CEP152: variants seen among roughly 807,000 people sequenced by gnomAD.
CEP152 encodes the protein centrosomal protein of 152 kDa.
In CEP152, 132 loss-of-function variants were observed where a neutral mutation model predicts 188.9. The observed-to-expected ratio is 0.70, with a 90% CI of 0.61 to 0.81. The LOEUF is 0.81. Among genes scored for constraint, CEP152 ranks in the 30% least tolerant of loss-of-function variants. CEP152 has a pLI of 0.00. For synonymous variants in CEP152, 649 were observed against 666.6 expected (o/e 0.97, Z 0.41); for missense variants, 1,914 against 1,969.8 (o/e 0.97, Z 0.54).
rs563954737 is a variant in CEP152, at chr15:48,744,811, C to CA, written c.3731+84dup. On this transcript the variant is annotated intron_variant, in intron 23 of 26. Transcript: ENST00000380950. ...CTTTTTTATACTTTTTGCTGTATAA[C>CA]AAAAAAAATTGATACTTAAAAAAAT... is the stretch of plus-strand genomic sequence containing the variant. The CA allele has an allele frequency of 1.2e-3, 1,484 of 1,278,958 alleles. 15 individuals are homozygous for CA. The African/African-American group carries it at 0.019, about 17-fold the overall frequency. 79.2% of individuals were successfully genotyped at this position (1,278,958 alleles called of 1,614,324 possible).
At chr15:48,754,021 C>G (rs1222232261) in intron 20 of CEP152, among the ~76,000 whole-genome samples, 3 of 152,034 alleles carry the variant, frequency 2.0e-5, no homozygotes. Context: ...TTTACAGCAC[C>G]TATGTAACAA....
rs1896842918 is a variant in CEP152 at position 48,788,966 on chromosome 15, C to T, written c.1008G>A (p.Leu336=). The T allele has an allele frequency of 1.2e-6, 2 of 1,614,064 alleles. No homozygotes were observed. Among genetic ancestry groups the T allele is most frequent in the Admixed American group, 1.7e-5 (1 of 59,996 alleles). The stretch of plus-strand genomic sequence containing the variant: ...CCACCAGCTGCTGCTTCAAGCTTTC[C>T]AGAGCCATTTCAGTTGTTCTGGACT... ...IKKSRTTEMA[L]ESLKQQLVDL... is the part of the protein sequence containing the mutation. The change falls in exon 9 of 27, where the codon CTG becomes CTA. Residue 336 remains leucine (L), a synonymous_variant. Transcript: ENST00000380950.
chr15:48,747,900 G>C (rs570276577), intron 22 of CEP152, among the ~76,000 whole-genome samples: 3 of 152,188 alleles, frequency 2.0e-5, no homozygotes, highest in Admixed American at 1.3e-4. Flanking sequence ...AGACCCTCAC[G>C]CCCTTGTTTA....
chr15:48,734,200 TATATAC>T (rs1351522732), downstream of CEP152, among the ~76,000 whole-genome samples: 2 of 149,946 alleles, frequency 1.3e-5, no homozygotes, highest in South Asian at 2.1e-4. Flanking sequence ...AATATATACA[TATATAC>T]ATATACATAT....
At chr15:48,764,957 AG>A (rs951092755) in intron 17 of CEP152, among the ~76,000 whole-genome samples, 12 of 151,984 alleles carry the variant, frequency 7.9e-5, no homozygotes, top group African/African-American at 2.9e-4. Context: ...TCTAGAGTTT[AG>A]TAACATTCTC....
At chr15:48,788,423 T>G (rs139894969) in intron 9 of CEP152, among the ~76,000 whole-genome samples, 1,707 of 140,566 alleles carry the variant, frequency 0.012, 40 homozygotes, top group African/African-American at 0.043. Flanking sequence ...AACCTCTGCC[T>G]CCCGGGTTCA....
chr15:48,801,896 C>A (rs529464766), intron 2 of CEP152, among the ~76,000 whole-genome samples: 15 of 152,242 alleles, frequency 9.9e-5, no homozygotes, highest in African/African-American at 3.1e-4. Context: ...GAGTTCAAGA[C>A]CAGCCTGGCC....
At chr15:48,769,149 C>T (rs1397732624) in intron 13 of CEP152, 68 bp from the exon 14 acceptor site, 2 of 1,331,426 alleles carry the variant, frequency 1.5e-6, no homozygotes, top group South Asian at 2.6e-5. Context: ...GAAATACTTC[C>T]ATACTTTAAA....
chr15:48,805,994 A>C (rs1897963196), intron 1 of CEP152, among the ~76,000 whole-genome samples: 1 of 152,230 alleles, frequency 6.6e-6, no homozygotes. Context: ...AAAAATCTTA[A>C]GCTCAAACAA....
chr15:48,741,046 T>G lies in CEP152; in HGVS notation c.4093+555A>C, dbSNP rs1233852252. 13 of 990,570 alleles carry G rather than the reference T, an allele frequency of 1.3e-5. No homozygotes were observed. The East Asian group carries it at 1.2e-3, about 94-fold the overall frequency. 61.4% of individuals were successfully genotyped at this position (990,570 alleles called of 1,614,324 possible). On this transcript the variant is annotated intron_variant, in intron 26 of 26. Coordinates refer to ENST00000380950, the MANE Select transcript of CEP152 (RefSeq NM_001194998.2). ...TTGCAATAGTCATCTCCCGGTGGTT[T>G]TGAACTGAGGTTTCCATCTTCCATC...
intron 20 of CEP152, among the ~76,000 whole-genome samples, chr15:48,753,793 T>C (rs1894063907): frequency 1.3e-5 from 2 of 152,240 alleles, no homozygotes; most frequent in South Asian, 2.1e-4. Context: ...TTATCTGTTA[T>C]GAACTACTGT....
intron 6 of CEP152, among the ~76,000 whole-genome samples, chr15:48,794,215 T>G (rs1897158955): frequency 6.6e-6 from 1 of 152,130 alleles, no homozygotes; most frequent in Non-Finnish European, 1.5e-5. Flanking sequence ...TTTTGAAGTC[T>G]TCTTTTAGAA....
At chr15:48,764,776 G>A (rs2140732153) in intron 17 of CEP152, among the ~76,000 whole-genome samples, 1 of 152,210 alleles carries the variant, frequency 6.6e-6, no homozygotes, top group South Asian at 2.1e-4. Context: ...ACCTGACTCA[G>A]CAAGTGTTTC....
At chr15:48,736,374 T>C (rs1165956017), downstream of CEP152, among the ~76,000 whole-genome samples, 2 of 151,842 alleles carry the variant, frequency 1.3e-5, no homozygotes, top group Non-Finnish European at 2.9e-5. Flanking sequence ...AACATACACA[T>C]GAAAATCTTT....
intron 13 of CEP152, 101 bp downstream of exon 13, chr15:48,772,386 G>T: frequency 1.0e-6 from 1 of 983,572 alleles, no homozygotes; most frequent in Non-Finnish European, 1.6e-6. Context: ...CCTCCAGCCT[G>T]GAAGACAGAG....
intron 12 of CEP152, among the ~76,000 whole-genome samples, chr15:48,778,360 G>A (rs1595662137): frequency 6.6e-6 from 1 of 152,310 alleles, no homozygotes; most frequent in Admixed American, 6.5e-5. Flanking sequence ...TAGACCAGGG[G>A]AAAGAGACAA....
Position 48,772,698 on chromosome 15 carries a change from G to A in CEP152, c.1578-7C>T, listed in dbSNP as rs753949885. 5 of 1,609,178 alleles carry A rather than the reference G, an allele frequency of 3.1e-6. No homozygotes were observed. The highest frequency in any genetic ancestry group is 1.3e-5 in the African/African-American group (1 of 74,816). On this transcript the variant is annotated splice_polypyrimidine_tract_variant and splice_region_variant and intron_variant, in intron 12 of 26. Coordinates refer to ENST00000380950, the MANE Select transcript of CEP152 (RefSeq NM_001194998.2). ...GTCTTCTTCTTGTACAATGCTAATG[G>A]AGAAATTGTGATTTTTAACATTAAA...
At position 48,765,522 on chromosome 15, in the gene CEP152, G is replaced by A. The variant is rs1454310042; in HGVS notation, c.2280+1538C>T. ...TATCAGTCAATAGCAGATACTAATT[G>A]TAACTGACCCATTATATGAGATCAT... On this transcript the variant is annotated intron_variant, in intron 17 of 26. Coordinates refer to ENST00000380950, the MANE Select transcript of CEP152 (RefSeq NM_001194998.2). The A allele has an allele frequency of 1.0e-5, 4 of 384,360 alleles. No homozygotes were observed. In the Admixed American group the frequency reaches 1.1e-4, roughly 11 times the overall value. The allele number at this position is 384,360 out of a possible 1,614,324, so 23.8% of individuals were successfully genotyped here.
intron 2 of CEP152, among the ~76,000 whole-genome samples, chr15:48,730,003 CA>C (rs1566967019): frequency 1.3e-5 from 2 of 151,506 alleles, no homozygotes; most frequent in African/African-American, 4.8e-5. Context: ...CGGCCCCCCC[CA>C]AAAAAAATTA....
Sources: allele counts gnomAD v4.1 joint callset (sites outside exome capture counted in the v4.1 genomes callset), GRCh38; gene constraint gnomAD v4.1.1; transcripts MANE v1.5; gene names NCBI Gene and HGNC (gene_info 2026-07-23, HGNC 2026-07-21).